Variants in MTCH2 observed in about 807,000 individuals in gnomAD.
The protein encoded by MTCH2 is mitochondrial carrier homolog 2.
A neutral mutation model predicts 50.6 loss-of-function variants in MTCH2; 25 were observed. The ratio of observed to expected loss-of-function variants is 0.49; its 90% CI spans 0.36 to 0.69. The LOEUF (loss-of-function observed/expected upper bound fraction) is 0.69, where lower values mean the gene tolerates loss of function less well. MTCH2 is among the 30% of genes least tolerant of loss of function. MTCH2 has a pLI of 0.00. For missense variants in MTCH2, 273 were observed against 384.4 expected (o/e 0.71, Z 2.42); for synonymous variants, 106 against 132.0 (o/e 0.80, Z 1.35).
chr11:47,611,222 C>T, the MTCH2 span, among the ~76,000 whole-genome samples: 7 of 152,346 alleles, frequency 4.6e-5, no homozygotes, highest in African/African-American at 1.2e-4. Context: ...CACTTAATGA[C>T]TGACAGTTGC....
intron 5 of MTCH2, among the ~76,000 whole-genome samples, chr11:47,632,520 A>AT (rs1353237816): frequency 6.6e-6 from 1 of 150,918 alleles, no homozygotes; most frequent in Non-Finnish European, 1.5e-5. Context: ...TGCCCGGCTA[A>AT]TTTTTTTTCT....
chr11:47,608,610 G>T, the MTCH2 span, among the ~76,000 whole-genome samples: 1 of 152,156 alleles, frequency 6.6e-6, no homozygotes, highest in East Asian at 1.9e-4. Flanking sequence ...AGCAGAGGCT[G>T]TTGGGGAACT....
In MTCH2 at chr11:47,642,485, C is replaced by A; in HGVS notation, c.-20G>T. 6.8e-7 allele frequency: 1 copy of A among 1,470,756 alleles called. No individual in the cohort carries two copies. The highest frequency in any genetic ancestry group is 9.0e-7 in the Non-Finnish European group (1 of 1,113,964). 91.1% of individuals were successfully genotyped at this position (1,470,756 alleles called of 1,614,324 possible). A position where few individuals can be genotyped will look rare whatever the true frequency, so the allele number is the denominator to read the frequency against. ...CGCCATGATGGCACCCGCGGGCGGA[C>A]GGACAGACAGACGGAGCCACCAAGC... On this transcript the variant is annotated 5_prime_UTR_variant, in exon 1 of 13. Transcript: ENST00000302503.
At chr11:47,637,256 C>G (rs944750016) in intron 3 of MTCH2, among the ~76,000 whole-genome samples, 19 of 152,282 alleles carry the variant, frequency 1.2e-4, no homozygotes, top group African/African-American at 4.3e-4. Flanking sequence ...TCCCAAAGTG[C>G]TGGGATTACA....
intron 11 of MTCH2, among the ~76,000 whole-genome samples, chr11:47,625,435 A>T (rs927420435): frequency 4.7e-4 from 64 of 135,978 alleles, no homozygotes; most frequent in African/African-American, 1.6e-3. Context: ...AAAAAAAAAA[A>T]ATAATAATAA....
intron 1 of MTCH2, among the ~76,000 whole-genome samples, chr11:47,642,169 G>T (rs528436789): frequency 1.3e-5 from 2 of 152,152 alleles, no homozygotes; most frequent in Admixed American, 6.5e-5. Flanking sequence ...GGGCCTCAAC[G>T]CTGGGCGGCG....
chr11:47,637,922 C>T (rs1187107809), intron 3 of MTCH2, among the ~76,000 whole-genome samples: 1 of 152,144 alleles, frequency 6.6e-6, no homozygotes, highest in African/African-American at 2.4e-5. Flanking sequence ...ATTATCTAAC[C>T]TGTCTTCTAC....
In MTCH2 at chr11:47,642,523, C is replaced by T. The variant is rs1221195222; in HGVS notation, c.-58G>A. 5 of 1,505,528 alleles carry T rather than the reference C, an allele frequency of 3.3e-6. No individual in the cohort carries two copies. Among genetic ancestry groups the T allele is most frequent in the African/African-American group, 1.4e-5 (1 of 71,158 alleles). 93.3% of individuals were successfully genotyped at this position (1,505,528 alleles called of 1,614,324 possible). On this transcript the variant is annotated 5_prime_UTR_variant, in exon 1 of 13. Transcript: ENST00000302503. The stretch of plus-strand genomic sequence containing the variant: ...GGAGCCACCAAGCGACCCGGTGAGC[C>T]GGTCCTAGGTCACGTGCCAGGGCCG...
intron 5 of MTCH2, among the ~76,000 whole-genome samples, chr11:47,632,032 C>T (rs1361870912): frequency 6.6e-6 from 1 of 152,088 alleles, no homozygotes; most frequent in Non-Finnish European, 1.5e-5. Context: ...CCAACAAAGT[C>T]ATTAAGCTGA....
chr11:47,634,242 T>A (rs1366017925), intron 5 of MTCH2, among the ~76,000 whole-genome samples: 1 of 152,106 alleles, frequency 6.6e-6, no homozygotes, highest in Non-Finnish European at 1.5e-5. Flanking sequence ...CACACCTAGC[T>A]AATTTTTCTA....
intron 9 of MTCH2, among the ~76,000 whole-genome samples, chr11:47,627,772 G>C (rs1465816592): frequency 6.6e-6 from 1 of 151,800 alleles, no homozygotes; most frequent in African/African-American, 2.4e-5. Context: ...ATTACAGCAT[G>C]AGCCACCACA....
Position 47,634,680 on chromosome 11 carries a change from T to C in MTCH2, c.361A>G (p.Ile121Val). ...TGTAATTCATCTCTTACCTCCTTGA[T>C]AACGTGGTCAAAGGAAGATGAGACT... Reference protein sequence around the residue: ...KEVSSSFDHVIKETTREMIAR... With the variant: ...KEVSSSFDHVVKETTREMIAR... Residue 121 changes from isoleucine to valine, a missense_variant, in exon 5 of 13, where the codon ATC becomes GTC. Ile to Val is a conservative substitution (Grantham distance 29, BLOSUM62 3). Coordinates refer to ENST00000302503, the MANE Select transcript of MTCH2 (RefSeq NM_014342.4). 6.2e-7 allele frequency: 1 copy of C among 1,609,268 alleles called. No individual in the cohort carries two copies. The highest frequency in any genetic ancestry group is 8.5e-7 in the Non-Finnish European group (1 of 1,176,710).
chr11:47,608,957 CAAAAA>C, the MTCH2 span, among the ~76,000 whole-genome samples: 1 of 45,428 alleles, frequency 2.2e-5, no homozygotes, highest in Non-Finnish European at 4.1e-5. Context: ...GACTCTGTCT[CAAAAA>C]AAAAAAAAAA....
In MTCH2 at chr11:47,617,469, T is replaced by A. The variant is rs1206602996; in HGVS notation, c.*1364A>T. 1.3e-5 allele frequency: 2 copies of A among 152,426 alleles called. No homozygotes were observed. Among genetic ancestry groups the A allele is most frequent in the Non-Finnish European group, 2.9e-5 (2 of 68,026 alleles). 9.4% of individuals were successfully genotyped at this position (152,426 alleles called of 1,614,324 possible). A position where few individuals can be genotyped will look rare whatever the true frequency, so the allele number is the denominator to read the frequency against. On this transcript the variant is annotated 3_prime_UTR_variant, in exon 13 of 13. Coordinates refer to ENST00000302503, the MANE Select transcript of MTCH2 (RefSeq NM_014342.4). The stretch of plus-strand genomic sequence containing the variant: ...GACAAAGGAAGAGACATCAAAGACA[T>A]TTTAAGCCGAGCTCCTCATGAGCTT...
downstream of MTCH2, among the ~76,000 whole-genome samples, chr11:47,612,998 G>C (rs1197250392): frequency 1.3e-5 from 2 of 152,046 alleles, no homozygotes; most frequent in Non-Finnish European, 2.9e-5. Context: ...CAAACTCCTG[G>C]GCTCAGGTTT....
chr11:47,630,107 C>G (rs1169172860), intron 8 of MTCH2, among the ~76,000 whole-genome samples: 3 of 152,166 alleles, frequency 2.0e-5, no homozygotes, highest in Non-Finnish European at 2.9e-5. Flanking sequence ...CAGCTCACTG[C>G]AACTTCCACC....
At chr11:47,642,322 G>A (rs1598860432) in intron 1 of MTCH2, 57 bp downstream of exon 1, 1 of 1,423,044 alleles carries the variant, frequency 7.0e-7, no homozygotes, top group Non-Finnish European at 9.4e-7. Flanking sequence ...CAGGCGCCCT[G>A]AGCAGCAGCG....
At chr11:47,605,576 T>G in the MTCH2 span, among the ~76,000 whole-genome samples, 2 of 152,230 alleles carry the variant, frequency 1.3e-5, no homozygotes. Flanking sequence ...ATTTGGCAAG[T>G]GTAGTGGGCA....
chr11:47,628,259 C>T (rs1047864463), intron 9 of MTCH2, among the ~76,000 whole-genome samples: 3 of 152,262 alleles, frequency 2.0e-5, no homozygotes, highest in Admixed American at 2.0e-4. Context: ...AAGCCCAATA[C>T]AGGCACCCTC....
Sources: allele counts gnomAD v4.1 joint callset (sites outside exome capture counted in the v4.1 genomes callset), GRCh38; gene constraint gnomAD v4.1.1; transcripts MANE v1.5; gene names NCBI Gene and HGNC (gene_info 2026-07-23, HGNC 2026-07-21).